Variants in FBXL4 observed in about 807,000 individuals in gnomAD.
FBXL4 encodes the protein F-box/LRR-repeat protein 4.
FBXL4 carries 40 observed loss-of-function variants against 58.9 expected under a neutral mutation model. That is an observed-to-expected ratio of 0.68 (90% confidence interval 0.53 to 0.88). The LOEUF (loss-of-function observed/expected upper bound fraction) is 0.88, where lower values mean the gene tolerates loss of function less well. Ranked by LOEUF, FBXL4 falls within the 40% of genes least tolerant of loss-of-function variation. The probability of loss-of-function intolerance (pLI) is 0.00; values close to 1 mark genes in which losing one functional copy is unlikely to be tolerated. For synonymous variants in FBXL4, 263 were observed against 265.5 expected (o/e 0.99, Z 0.09); for missense variants, 676 against 734.4 (o/e 0.92, Z 0.92).
chr6:98,915,242 G>C (rs1046530548), intron 5 of FBXL4, among the ~76,000 whole-genome samples: 9 of 152,048 alleles, frequency 5.9e-5, no homozygotes, highest in African/African-American at 2.2e-4. Flanking sequence ...TGGCCATACT[G>C]CCCAAGGTAA....
At position 98,868,884 on chromosome 6, in the gene FBXL4, C is replaced by A. The variant is rs1770422131; in HGVS notation, c.*5394G>T. 1 of 152,140 alleles carries A rather than the reference C, an allele frequency of 6.6e-6. No individual in the cohort carries two copies. Among genetic ancestry groups the A allele is most frequent in the South Asian group, 2.1e-4 (1 of 4,828 alleles). 9.4% of individuals were successfully genotyped at this position (152,140 alleles called of 1,614,324 possible). ...ATATACCTTTAACAGTATTCATATG[C>A]ACAAAATTTAAGCCAAATATTCAAG... On this transcript the variant is annotated 3_prime_UTR_variant, in exon 10 of 10. Coordinates refer to ENST00000369244, the MANE Select transcript of FBXL4 (RefSeq NM_001278716.2).
At position 98,871,173 on chromosome 6, in the gene FBXL4, G is replaced by A. The variant is rs1384169247; in HGVS notation, c.*3105C>T. 4 of 151,952 alleles carry A rather than the reference G, an allele frequency of 2.6e-5. No homozygotes were observed. Among genetic ancestry groups the A allele is most frequent in the Admixed American group, 6.6e-5 (1 of 15,250 alleles). The allele number at this position is 151,952 out of a possible 1,614,324, so 9.4% of individuals were successfully genotyped here. A position where few individuals can be genotyped will look rare whatever the true frequency, so the allele number is the denominator to read the frequency against. The stretch of plus-strand genomic sequence containing the variant: ...CAAGCAAGGAAAACATTTTACTAAC[G>A]ATAACTAAATTGTGTTTGATTCTAT... On this transcript the variant is annotated 3_prime_UTR_variant, in exon 10 of 10. Coordinates refer to ENST00000369244, the MANE Select transcript of FBXL4 (RefSeq NM_001278716.2).
intron 6 of FBXL4, among the ~76,000 whole-genome samples, chr6:98,903,176 CATAA>C (rs1451054666): frequency 5.3e-5 from 8 of 152,044 alleles, no homozygotes; most frequent in Admixed American, 4.6e-4. Context: ...TAGTACTGAG[CATAA>C]ATAGACCATA....
At chr6:98,914,037 T>A (rs1582417878) in intron 5 of FBXL4, among the ~76,000 whole-genome samples, 1 of 151,958 alleles carries the variant, frequency 6.6e-6, no homozygotes, top group Non-Finnish European at 1.5e-5. Context: ...ACTACACACA[T>A]CTCTATGCAA....
chr6:98,923,960 C>T (rs1034738513), intron 4 of FBXL4, among the ~76,000 whole-genome samples: 2 of 151,698 alleles, frequency 1.3e-5, no homozygotes, highest in Non-Finnish European at 2.9e-5. Context: ...ATATTGGTCA[C>T]CTTTTTTTCT....
Position 98,875,654 on chromosome 6 carries a change from C to G in FBXL4, c.1463G>C (p.Arg488Thr). The G allele has an allele frequency of 3.7e-6, 6 of 1,614,142 alleles. No individual in the cohort carries two copies. Among genetic ancestry groups the G allele is most frequent in the Non-Finnish European group, 5.1e-6 (6 of 1,179,998 alleles). Reference protein sequence around the residue: ...CKKLRTLDLWRCKNITENGIA... With the variant: ...CKKLRTLDLWTCKNITENGIA... ...TCCATTCTCAGTAATATTCTTACAT[C>G]TCCACAGATCCAGGGTCCGGAGTTT... The change falls in exon 9 of 10, where the codon AGA (arginine) becomes ACA (threonine). Residue 488 changes from arginine to threonine, a missense_variant. Coordinates refer to ENST00000369244, the MANE Select transcript of FBXL4 (RefSeq NM_001278716.2).
chr6:98,897,102 A>G, intron 7 of FBXL4: 1 of 982,924 alleles, frequency 1.0e-6, no homozygotes, highest in Non-Finnish European at 1.2e-6. Flanking sequence ...GGCTCATTTA[A>G]TAACTACATT....
chr6:98,904,049 T>A (rs1771709816), intron 6 of FBXL4, among the ~76,000 whole-genome samples: 1 of 152,174 alleles, frequency 6.6e-6, no homozygotes, highest in African/African-American at 2.4e-5. Context: ...GTAATTAAAA[T>A]ACCCTAATGG....
At chr6:98,920,813 CACACAT>C (rs1772551057) in intron 4 of FBXL4, among the ~76,000 whole-genome samples, 1 of 118,560 alleles carries the variant, frequency 8.4e-6, no homozygotes, top group African/African-American at 3.8e-5. Flanking sequence ...TATGGGTACA[CACACAT>C]ACACACACAC....
chr6:98,880,779 C>G (rs147320108), intron 7 of FBXL4, among the ~76,000 whole-genome samples, 155 bp from the exon 8 acceptor site: 96 of 152,242 alleles, frequency 6.3e-4, no homozygotes, highest in Non-Finnish European at 1.2e-3. Flanking sequence ...TTTAATGAGT[C>G]CCCAGAGGCT....
At chr6:98,924,058 T>TA (rs1772683831) in intron 4 of FBXL4, among the ~76,000 whole-genome samples, 1 of 152,210 alleles carries the variant, frequency 6.6e-6, no homozygotes, top group African/African-American at 2.4e-5. Context: ...GTTTTAACTT[T>TA]AATCACAACC....
chr6:98,872,074 C>T lies in FBXL4; in HGVS notation c.*2204G>A, dbSNP rs1770504106. ...TTACAAGTAACAACAAGCTGCTTTA[C>T]ACATTTCCTGTGCTATCAAAAGGTA... is the stretch of plus-strand genomic sequence containing the variant. On this transcript the variant is annotated 3_prime_UTR_variant, in exon 10 of 10. Coordinates refer to ENST00000369244, the MANE Select transcript of FBXL4 (RefSeq NM_001278716.2). The T allele has an allele frequency of 6.6e-6, 1 of 152,174 alleles. No individual in the cohort carries two copies. The highest frequency in any genetic ancestry group is 2.1e-4 in the South Asian group (1 of 4,828). 9.4% of individuals were successfully genotyped at this position (152,174 alleles called of 1,614,324 possible). A position where few individuals can be genotyped will look rare whatever the true frequency, so the allele number is the denominator to read the frequency against.
intron 1 of FBXL4, among the ~76,000 whole-genome samples, chr6:98,941,987 T>A (rs1773449854): frequency 6.7e-6 from 1 of 149,884 alleles, no homozygotes; most frequent in African/African-American, 2.5e-5. Context: ...AAGAGACAAA[T>A]AAATGACCTA....
intron 2 of FBXL4, among the ~76,000 whole-genome samples, chr6:98,930,634 T>A (rs1017755499): frequency 1.3e-5 from 2 of 152,106 alleles, no homozygotes; most frequent in Non-Finnish European, 2.9e-5. Flanking sequence ...AAAAAATATA[T>A]ATATTTAAGG....
At chr6:98,888,352 C>T (rs1771110525) in intron 7 of FBXL4, among the ~76,000 whole-genome samples, 1 of 152,194 alleles carries the variant, frequency 6.6e-6, no homozygotes, top group African/African-American at 2.4e-5. Context: ...GTATTTACTA[C>T]CTAGCCCTTC....
At chr6:98,912,304 C>A (rs1288385728) in intron 5 of FBXL4, among the ~76,000 whole-genome samples, 2 of 152,126 alleles carry the variant, frequency 1.3e-5, no homozygotes, top group Non-Finnish European at 2.9e-5. Flanking sequence ...GGCCAACATT[C>A]AGATTCAGGA....
At position 98,880,636 on chromosome 6, in the gene FBXL4, G is replaced by A; in HGVS notation, c.1318-12C>T. 1 of 1,611,554 alleles carries A rather than the reference G, an allele frequency of 6.2e-7. No individual in the cohort carries two copies. Among genetic ancestry groups the A allele is most frequent in the South Asian group, 1.1e-5 (1 of 91,004 alleles). ...AGCAGTGCTGTTTGCTGCCATTAGG[G>A]ACCACATCAGAGGCAAATATGGAAA... On this transcript the variant is annotated splice_polypyrimidine_tract_variant and intron_variant, in intron 7 of 9. Coordinates refer to ENST00000369244, the MANE Select transcript of FBXL4 (RefSeq NM_001278716.2).
rs1193398286 is a variant in FBXL4 at position 98,883,150 on chromosome 6, TA to T, written c.1318-2527del. On this transcript the variant is annotated intron_variant, in intron 7 of 9. Coordinates refer to ENST00000369244, the MANE Select transcript of FBXL4 (RefSeq NM_001278716.2). ...TGCCTGTCTCATGAGTACAGAATGG[TA>T]TAATTTGCATTAGTATGATTACTAG... is the stretch of plus-strand genomic sequence containing the variant. Among the ~76,000 whole-genome samples the T allele has an allele frequency of 2.6e-5, 4 of 152,162 alleles. No homozygotes were observed. The South Asian group carries it at 8.3e-4, about 32-fold the overall frequency.
At chr6:98,923,679 G>C (rs112952345) in intron 4 of FBXL4, among the ~76,000 whole-genome samples, 1 of 152,068 alleles carries the variant, frequency 6.6e-6, no homozygotes, top group Non-Finnish European at 1.5e-5. Flanking sequence ...AGGCTGGCCT[G>C]TAAGCTCAAA....
Sources: gnomAD v4.1 joint callset for allele counts (sites outside exome capture counted in the v4.1 genomes callset) on GRCh38, gnomAD v4.1.1 for gene constraint, MANE v1.5 for transcripts, NCBI Gene and HGNC (gene_info 2026-07-23, HGNC 2026-07-21) for gene names.